The following HNRNPLL variants were observed in gnomAD, a reference collection of about 807,000 sequenced individuals.
The protein encoded by HNRNPLL is heterogeneous nuclear ribonucleoprotein L-like.
A neutral mutation model predicts 67.1 loss-of-function variants in HNRNPLL; 25 were observed. The ratio of observed to expected loss-of-function variants is 0.37; its 90% CI spans 0.27 to 0.52. The LOEUF (loss-of-function observed/expected upper bound fraction) is 0.52. Ranked by LOEUF, HNRNPLL falls within the 20% of genes least tolerant of loss-of-function variation. The pLI is 0.90. For missense variants in HNRNPLL, 542 were observed against 673.9 expected (o/e 0.80, Z 2.17); for synonymous variants, 267 against 241.7 (o/e 1.10, Z -0.97).
intron 8 of HNRNPLL, among the ~76,000 whole-genome samples, 180 bp from the exon 9 acceptor site, chr2:38,570,105 G>A (rs1026374427): frequency 2.6e-5 from 4 of 152,176 alleles, no homozygotes. Context: ...TAGTTAAAAA[G>A]GAACACTATT....
In HNRNPLL at chr2:38,602,800, C is replaced by A. The variant is rs1667507477; in HGVS notation, c.-174G>T. 1 of 1,538,158 alleles carries A rather than the reference C, an allele frequency of 6.5e-7. No individual in the cohort carries two copies. The highest frequency in any genetic ancestry group is 8.8e-7 in the Non-Finnish European group (1 of 1,141,878). On this transcript the variant is annotated 5_prime_UTR_variant, in exon 1 of 13. Transcript: ENST00000449105. Reference sequence around the variant, plus strand: ...GAGACTGGCGGCTGAGAAGCGCGGACGGACTGAGGGGGGCGCCCCGGGAGG... The same window carrying A: ...GAGACTGGCGGCTGAGAAGCGCGGAAGGACTGAGGGGGGCGCCCCGGGAGG...
intron 6 of HNRNPLL, among the ~76,000 whole-genome samples, chr2:38,580,301 C>T (rs150240826): frequency 5.3e-4 from 80 of 152,286 alleles, no homozygotes; most frequent in African/African-American, 1.8e-3. Flanking sequence ...CAAGGCCAGG[C>T]AGATTTCCAT....
chr2:38,577,069 A>T (rs1666326149), intron 7 of HNRNPLL, among the ~76,000 whole-genome samples: 1 of 151,886 alleles, frequency 6.6e-6, no homozygotes, highest in African/African-American at 2.4e-5. Flanking sequence ...TTTGACAAAT[A>T]CCCTATTCTT....
chr2:38,567,353 C>G (rs183480769), intron 12 of HNRNPLL, among the ~76,000 whole-genome samples: 57 of 151,972 alleles, frequency 3.8e-4, no homozygotes, highest in African/African-American at 1.3e-3. Context: ...TGACCTCAGA[C>G]GATCCACCCG....
At chr2:38,582,874 T>TAA (rs397976998) in intron 4 of HNRNPLL, among the ~76,000 whole-genome samples, 13 of 135,356 alleles carry the variant, frequency 9.6e-5, no homozygotes, top group African/African-American at 3.5e-4. Context: ...AACTCCATCT[T>TAA]AAAAAAAAAA....
At chr2:38,584,054 A>C (rs936404520) in intron 3 of HNRNPLL, 128 bp from the exon 4 acceptor site, 1 of 456,442 alleles carries the variant, frequency 2.2e-6, no homozygotes, top group African/African-American at 2.0e-5. Flanking sequence ...AATAAAATTA[A>C]TTCTTAAAAT....
intron 6 of HNRNPLL, among the ~76,000 whole-genome samples, chr2:38,578,638 T>G (rs1257224547): frequency 6.6e-6 from 1 of 152,060 alleles, no homozygotes; most frequent in Non-Finnish European, 1.5e-5. Context: ...GGCCATCTAG[T>G]TTAACTTTTA....
intron 12 of HNRNPLL, 190 bp downstream of exon 12, chr2:38,568,009 A>G (rs1665938189): frequency 2.0e-6 from 1 of 507,248 alleles, no homozygotes; most frequent in Middle Eastern, 5.0e-4. Context: ...CTGTTTTAAG[A>G]TGCTAAATTT....
chr2:38,597,553 G>C (rs1667246729), intron 1 of HNRNPLL, among the ~76,000 whole-genome samples: 2 of 152,016 alleles, frequency 1.3e-5, no homozygotes, highest in African/African-American at 4.8e-5. Context: ...TATGTCTCTT[G>C]GTCTTTTTCT....
In HNRNPLL at chr2:38,582,132, T is replaced by C. The variant is rs980007258; in HGVS notation, c.669A>G (p.Ala223=). The part of the protein sequence containing the change: ...ESVLCAQKAK[A]ALNGADIYAG... ...CATATATATCAGCTCCATTGAGTGC[T>C]GCTTTAGCTTTCTGGGCACAAAGGA... The change falls in exon 5 of 13, where the codon GCA becomes GCG. Residue 223 remains alanine (A), a synonymous_variant. Coordinates refer to ENST00000449105, the MANE Select transcript of HNRNPLL (RefSeq NM_138394.4). The C allele has an allele frequency of 9.3e-6, 15 of 1,613,970 alleles. No individual in the cohort carries two copies. The African/African-American group carries it at 2.0e-4, about 22-fold the overall frequency.
intron 2 of HNRNPLL, among the ~76,000 whole-genome samples, chr2:38,587,759 T>A (rs1208296464): frequency 6.6e-6 from 1 of 152,300 alleles, no homozygotes; most frequent in African/African-American, 2.4e-5. Context: ...AAGGTACTGA[T>A]ATGGTGTGGC....
At chr2:38,564,639 T>TAAAAAAAAAAAAA (rs1665784554) in intron 12 of HNRNPLL, among the ~76,000 whole-genome samples, 1 of 132,654 alleles carries the variant, frequency 7.5e-6, no homozygotes, top group African/African-American at 2.9e-5. Context: ...AAAAAAAAAG[T>TAAAAAAAAAAAAA]AAAATTTCTA....
intron 7 of HNRNPLL, among the ~76,000 whole-genome samples, chr2:38,575,846 C>T (rs1220699555): frequency 6.6e-6 from 1 of 151,624 alleles, no homozygotes; most frequent in Non-Finnish European, 1.5e-5. Flanking sequence ...TTTGCTTTTT[C>T]CCCTATTACT....
Position 38,562,466 on chromosome 2 carries a change from A to C in HNRNPLL, c.*1716T>G, listed in dbSNP as rs1409795165. ...AAAGTCTGTAATTCTGACAACCCAC[A>C]TTAATTTTCAGAGGAGGAAGGAACG... On this transcript the variant is annotated 3_prime_UTR_variant, in exon 13 of 13. Coordinates refer to ENST00000449105, the MANE Select transcript of HNRNPLL (RefSeq NM_138394.4). 3.9e-5 allele frequency: 6 copies of C among 152,210 alleles called. No individual in the cohort carries two copies. 9.4% of individuals were successfully genotyped at this position (152,210 alleles called of 1,614,324 possible). A position where few individuals can be genotyped will look rare whatever the true frequency, so the allele number is the denominator to read the frequency against.
intron 6 of HNRNPLL, among the ~76,000 whole-genome samples, chr2:38,578,620 G>C (rs1666397569): frequency 6.6e-6 from 1 of 151,960 alleles, no homozygotes; most frequent in South Asian, 2.1e-4. Context: ...GGCATTGAAA[G>C]GGACTGAGGC....
chr2:38,600,289 C>T (rs1231936896), intron 1 of HNRNPLL, among the ~76,000 whole-genome samples: 1 of 141,252 alleles, frequency 7.1e-6, no homozygotes, highest in Non-Finnish European at 1.6e-5. Flanking sequence ...TATCAGTTCC[C>T]GCCGGGGTAA....
intron 1 of HNRNPLL, among the ~76,000 whole-genome samples, chr2:38,595,955 C>T (rs1317208462): frequency 6.6e-6 from 1 of 152,138 alleles, no homozygotes; most frequent in Non-Finnish European, 1.5e-5. Context: ...TTGTATTTCC[C>T]TTATTCCCAC....
At chr2:38,570,219 G>A (rs902026135) in intron 8 of HNRNPLL, among the ~76,000 whole-genome samples, 1 of 152,084 alleles carries the variant, frequency 6.6e-6, no homozygotes, top group Non-Finnish European at 1.5e-5. Context: ...ATGGATTGTC[G>A]CTGAAAATAC....
chr2:38,564,920 A>G (rs1665798712), intron 12 of HNRNPLL, among the ~76,000 whole-genome samples: 1 of 151,854 alleles, frequency 6.6e-6, no homozygotes, highest in Non-Finnish European at 1.5e-5. Context: ...GAAGACATCT[A>G]TGATCCCAAA....
Sources: allele counts gnomAD v4.1 joint callset (sites outside exome capture counted in the v4.1 genomes callset), GRCh38; gene constraint gnomAD v4.1.1; transcripts MANE v1.5; gene names NCBI Gene and HGNC (gene_info 2026-07-23, HGNC 2026-07-21).